NR1D2: variants seen among roughly 807,000 people sequenced by gnomAD.
NR1D2 encodes the protein nuclear receptor subfamily 1 group D member 2, also known as V-erbA-related protein 1-related.
NR1D2 carries 25 observed loss-of-function variants against 52.2 expected under a neutral mutation model. The ratio of observed to expected loss-of-function variants is 0.48; its 90% CI spans 0.35 to 0.67. NR1D2 has a LOEUF of 0.67. NR1D2 is among the 30% of genes least tolerant of loss of function. The probability of loss-of-function intolerance (pLI) is 0.01; values close to 1 mark genes in which losing one functional copy is unlikely to be tolerated. For missense variants in NR1D2, 681 were observed against 707.2 expected (o/e 0.96, Z 0.42); for synonymous variants, 259 against 230.1 (o/e 1.13, Z -1.14).
At chr3:23,961,217 A>ATTTC (rs529901951) in intron 4 of NR1D2, among the ~76,000 whole-genome samples, 210 of 152,142 alleles carry the variant, frequency 1.4e-3, no homozygotes, top group African/African-American at 4.7e-3. Context: ...GTGTTCAGGG[A>ATTTC]ATGATTTCAC....
At chr3:23,957,357 A>C (rs1307204995) in intron 3 of NR1D2, among the ~76,000 whole-genome samples, 4 of 128,004 alleles carry the variant, frequency 3.1e-5, no homozygotes, top group African/African-American at 1.2e-4. Context: ...CATTTTTTTC[A>C]TTGTTTAAAA....
At chr3:23,957,544 G>T (rs1706118729) in intron 3 of NR1D2, among the ~76,000 whole-genome samples, 2 of 148,686 alleles carry the variant, frequency 1.3e-5, no homozygotes, top group South Asian at 4.3e-4. Flanking sequence ...GTGAAACCCT[G>T]TCTCTACTAA....
At chr3:23,973,677 TAATA>T (rs1306017176) in intron 7 of NR1D2, among the ~76,000 whole-genome samples, 8 of 152,182 alleles carry the variant, frequency 5.3e-5, no homozygotes, top group Middle Eastern at 3.2e-3. Flanking sequence ...TTTTCTTCCA[TAATA>T]AATTAACCTT....
intron 3 of NR1D2, among the ~76,000 whole-genome samples, chr3:23,956,360 C>G (rs1014653829): frequency 1.3e-5 from 2 of 152,072 alleles, no homozygotes; most frequent in South Asian, 2.1e-4. Flanking sequence ...TTTGCTATCT[C>G]AATTAAACAT....
At chr3:23,952,328 C>T (rs1575146590) in intron 1 of NR1D2, among the ~76,000 whole-genome samples, 1 of 152,262 alleles carries the variant, frequency 6.6e-6, no homozygotes, top group East Asian at 1.9e-4. Context: ...GCATAGGCTT[C>T]ATGAATAAAA....
intron 5 of NR1D2, chr3:23,963,342 C>T (rs765312941): frequency 1.1e-5 from 14 of 1,330,050 alleles, no homozygotes; most frequent in Non-Finnish European, 1.4e-5. Flanking sequence ...TAATTAAAGT[C>T]GTCTTTTTCA....
At chr3:23,965,414 G>GT (rs199916460) in intron 6 of NR1D2, among the ~76,000 whole-genome samples, 5,728 of 132,772 alleles carry the variant, frequency 0.043, 266 homozygotes, top group African/African-American at 0.12. Context: ...AATTTTTTTT[G>GT]TTTTTTTTTT....
chr3:23,961,871 A>G (rs958204717), intron 4 of NR1D2, 106 bp from the exon 5 acceptor site: 7 of 1,028,024 alleles, frequency 6.8e-6, no homozygotes, highest in Admixed American at 2.8e-5. Flanking sequence ...CTCATTCTTT[A>G]TATGTATGAC....
chr3:23,961,979 G>C lies in NR1D2; in HGVS notation c.520G>C (p.Val174Leu). The C allele has an allele frequency of 6.3e-7, 1 of 1,591,484 alleles. No homozygotes were observed. Among genetic ancestry groups the C allele is most frequent in the Non-Finnish European group, 8.6e-7 (1 of 1,168,310 alleles). Residue 174 changes from valine (V) to leucine (L), a missense_variant and splice_region_variant, in exon 5 of 8, where the codon GTT becomes CTT. Physicochemically the swap from Val to Leu is conservative, Grantham distance 32. Transcript: ENST00000312521. ...CLSVGMSRDAVRFGRIPKREK... is the reference protein window; with the variant it reads ...CLSVGMSRDALRFGRIPKREK... ...TTAAATATCTTTTTCTTCAATAGCT[G>C]TTCGGTTTGGTCGTATTCCTAAGCG...
chr3:23,950,149 T>C (rs1467481110), intron 1 of NR1D2, among the ~76,000 whole-genome samples: 1 of 152,240 alleles, frequency 6.6e-6, no homozygotes, highest in East Asian at 1.9e-4. Context: ...AAAAACAGTG[T>C]ATGAAAAAAG....
At chr3:23,949,085 G>A (rs1265612140) in intron 1 of NR1D2, among the ~76,000 whole-genome samples, 2 of 152,242 alleles carry the variant, frequency 1.3e-5, no homozygotes, top group East Asian at 3.9e-4. Context: ...GACCGATTTG[G>A]CTGGGCATGG....
chr3:23,950,902 C>CTT (rs1181448290), intron 1 of NR1D2, among the ~76,000 whole-genome samples: 19 of 123,100 alleles, frequency 1.5e-4, no homozygotes, highest in Non-Finnish European at 2.3e-4. Context: ...CTTTCTTTTT[C>CTT]TTTTTTTTTT....
chr3:23,954,804 G>A lies in NR1D2; in HGVS notation c.283+1G>A. On this transcript the variant is annotated splice_donor_variant, in intron 2 of 7. Transcript: ENST00000312521. LOFTEE classifies it high-confidence loss of function. ...ACAAAAAGTCATAGTGGTGTGACAA[G>A]TAAGTTACTTTGGTTTTCTAAAGAT... 6.2e-7 allele frequency: 1 copy of A among 1,609,848 alleles called. No individual in the cohort carries two copies. Among genetic ancestry groups the A allele is most frequent in the Non-Finnish European group, 8.5e-7 (1 of 1,176,448 alleles).
chr3:23,955,996 G>A, intron 2 of NR1D2, 41 bp from the exon 3 acceptor site: 1 of 1,418,874 alleles, frequency 7.0e-7, no homozygotes, highest in East Asian at 2.3e-5. Context: ...CAGACTCGGT[G>A]TTTCCTCCTA....
chr3:23,969,925 G>A (rs1023983416), intron 7 of NR1D2, among the ~76,000 whole-genome samples: 2 of 152,142 alleles, frequency 1.3e-5, no homozygotes, highest in African/African-American at 2.4e-5. Flanking sequence ...AGATAGGGCC[G>A]GGGAAGGGTC....
At chr3:23,971,269 C>T (rs1409040926) in intron 7 of NR1D2, among the ~76,000 whole-genome samples, 1 of 150,876 alleles carries the variant, frequency 6.6e-6, no homozygotes, top group African/African-American at 2.4e-5. Context: ...GTTGACCACC[C>T]AACTCTGAAT....
intron 1 of NR1D2, 149 bp downstream of exon 1, chr3:23,945,743 TC>T: frequency 1.8e-6 from 1 of 544,598 alleles, no homozygotes; most frequent in Non-Finnish European, 2.6e-6. Context: ...CTGGCTCGGT[TC>T]CCATCGCCCC....
intron 7 of NR1D2, among the ~76,000 whole-genome samples, chr3:23,974,431 G>A (rs937954937): frequency 3.9e-5 from 6 of 151,970 alleles, no homozygotes; most frequent in African/African-American, 1.5e-4. Flanking sequence ...ATAATATTAT[G>A]GGACCACCCT....
At chr3:23,958,876 G>A (rs950529274) in intron 3 of NR1D2, among the ~76,000 whole-genome samples, 5 of 152,206 alleles carry the variant, frequency 3.3e-5, no homozygotes, top group African/African-American at 1.2e-4. Context: ...TTGAATCTGG[G>A]AGGTGGAGGT....
Sources: gnomAD v4.1 joint callset for allele counts (sites outside exome capture counted in the v4.1 genomes callset) on GRCh38, gnomAD v4.1.1 for gene constraint, MANE v1.5 for transcripts, NCBI Gene and HGNC (gene_info 2026-07-23, HGNC 2026-07-21) for gene names.